Variants in CDS2 observed in about 807,000 individuals in gnomAD.
CDS2 encodes phosphatidate cytidylyltransferase 2.
A neutral mutation model predicts 59.0 loss-of-function variants in CDS2; 47 were observed. The observed-to-expected ratio is 0.80, with a 90% CI of 0.63 to 1.02. CDS2 has a LOEUF of 1.02. Among genes scored for constraint, CDS2 ranks in the 50% least tolerant of loss-of-function variants. The pLI is 0.00. For missense variants in CDS2, 356 were observed against 558.9 expected (o/e 0.64, Z 3.66); for synonymous variants, 207 against 206.4 (o/e 1.00, Z -0.02).
chr20:5,182,596 ATTTAGGT>A, intron 6 of CDS2, 151 bp downstream of exon 6: 1 of 662,206 alleles, frequency 1.5e-6, no homozygotes, highest in Non-Finnish European at 2.5e-6. Flanking sequence ...AAGAATGCCC[ATTTAGGT>A]TTAATGGCTC....
chr20:5,189,727 T>G lies in CDS2; in HGVS notation c.1102-8T>G, dbSNP rs41282118. On this transcript the variant is annotated splice_region_variant and splice_polypyrimidine_tract_variant and intron_variant, in intron 11 of 12. Coordinates refer to ENST00000460006, the MANE Select transcript of CDS2 (RefSeq NM_003818.4). ...CAAGTTCACCCATCCTTCCCCTGCC[T>G]CTAACAGGACTTTGCCAATACCATT... The G allele has an allele frequency of 0.054, 86,879 of 1,611,190 alleles. 2,606 individuals carry two copies. The highest frequency in any genetic ancestry group is 0.095 in the African/African-American group (7,132 of 74,914).
chr20:5,146,264 CT>C lies in CDS2; in HGVS notation c.57+19117del, dbSNP rs560238655. Reference sequence around the variant, plus strand: ...ATTGATGACACTTGTGAATTCTGGGCTTCTGCTCTTGGCATTAAGATAGGCA... The same window carrying C: ...ATTGATGACACTTGTGAATTCTGGGCTCTGCTCTTGGCATTAAGATAGGCA... On this transcript the variant is annotated intron_variant, in intron 1 of 12. Coordinates refer to ENST00000460006, the MANE Select transcript of CDS2 (RefSeq NM_003818.4). Among the ~76,000 whole-genome samples the C allele has an allele frequency of 4.0e-3, 607 of 152,298 alleles. 9 individuals are homozygous for C. Among genetic ancestry groups the C allele is most frequent in the African/African-American group, 0.014 (573 of 41,554 alleles).
At position 5,186,689 on chromosome 20, in the gene CDS2, G is replaced by T. The variant is rs915243474; in HGVS notation, c.831G>T (p.Leu277=). The part of the protein sequence containing the change: ...FFATVVFGLL[L]SYVMSGYRCF... ...GTCTCTCTGTTATTCCTCCTCAGCT[G>T]TCCTATGTGATGTCCGGGTACAGAT... is the stretch of plus-strand genomic sequence containing the variant. The change falls in exon 10 of 13, where the codon CTG becomes CTT. Residue 277 remains leucine, a splice_region_variant and synonymous_variant. Transcript: ENST00000460006. 3.1e-6 allele frequency: 5 copies of T among 1,613,948 alleles called. No homozygotes were observed. The highest frequency in any genetic ancestry group is 4.2e-6 in the Non-Finnish European group (5 of 1,180,006).
intron 1 of CDS2, among the ~76,000 whole-genome samples, chr20:5,133,753 G>A (rs183772522): frequency 1.3e-5 from 2 of 152,266 alleles, no homozygotes; most frequent in East Asian, 3.9e-4. Context: ...TCGAACTCCT[G>A]ACCTCAGGTG....
chr20:5,172,659 C>G (rs1385375420), intron 1 of CDS2, among the ~76,000 whole-genome samples: 2 of 152,202 alleles, frequency 1.3e-5, no homozygotes, highest in Non-Finnish European at 2.9e-5. Context: ...TGCTCTGAAG[C>G]TTGCATGGGA....
At chr20:5,186,899 C>A in intron 10 of CDS2, 60 bp downstream of exon 10, 2 of 1,576,300 alleles carry the variant, frequency 1.3e-6, no homozygotes, top group Non-Finnish European at 1.7e-6. Flanking sequence ...AAGAGAGATC[C>A]CCCTCCATCA....
At chr20:5,169,163 G>A (rs1363755361) in intron 1 of CDS2, among the ~76,000 whole-genome samples, 1 of 152,246 alleles carries the variant, frequency 6.6e-6, no homozygotes, top group Admixed American at 6.5e-5. Flanking sequence ...GAGGAACTGT[G>A]GGAGGCGGTG....
intron 1 of CDS2, among the ~76,000 whole-genome samples, chr20:5,155,949 A>T (rs1004905949): frequency 2.6e-5 from 4 of 152,162 alleles, no homozygotes; most frequent in African/African-American, 9.7e-5. Context: ...TGGCTGGAGC[A>T]GGTGGTGTGA....
At chr20:5,141,588 A>G (rs572972371) in intron 1 of CDS2, among the ~76,000 whole-genome samples, 1 of 152,252 alleles carries the variant, frequency 6.6e-6, no homozygotes, top group East Asian at 1.9e-4. Context: ...CAATATGCAA[A>G]TATTGTATAT....
chr20:5,168,514 TTC>T, intron 1 of CDS2: 1 of 472,886 alleles, frequency 2.1e-6, no homozygotes, highest in Non-Finnish European at 4.2e-6. Flanking sequence ...GCCCAAGGGA[TTC>T]TCTCTAGCCA....
At chr20:5,131,778 A>G (rs1203706524) in intron 1 of CDS2, among the ~76,000 whole-genome samples, 1 of 152,222 alleles carries the variant, frequency 6.6e-6, no homozygotes, top group Non-Finnish European at 1.5e-5. Flanking sequence ...TGAGTAGATC[A>G]TGGAAGTTGT....
At chr20:5,175,128 GT>G in intron 2 of CDS2, 54 bp from the exon 3 acceptor site, 1 of 1,332,174 alleles carries the variant, frequency 7.5e-7, no homozygotes, top group Non-Finnish European at 1.1e-6. Context: ...TTGTGCATTG[GT>G]TTTTTTCTGG....
At chr20:5,159,514 T>A (rs554026659) in intron 1 of CDS2, among the ~76,000 whole-genome samples, 1 of 152,152 alleles carries the variant, frequency 6.6e-6, no homozygotes, top group Non-Finnish European at 1.5e-5. Flanking sequence ...TTGGATGATT[T>A]GCATGTAAAC....
chr20:5,158,000 C>T (rs1007015554), intron 1 of CDS2, among the ~76,000 whole-genome samples: 2 of 152,098 alleles, frequency 1.3e-5, no homozygotes, highest in African/African-American at 2.4e-5. Flanking sequence ...AACACAAATT[C>T]GTAAACTTTC....
At chr20:5,155,018 A>G (rs902354208) in intron 1 of CDS2, among the ~76,000 whole-genome samples, 7 of 152,216 alleles carry the variant, frequency 4.6e-5, no homozygotes, top group African/African-American at 1.4e-4. Flanking sequence ...CTATAGACCT[A>G]TATGTTCCAT....
chr20:5,144,523 A>G (rs1413217665), intron 1 of CDS2, among the ~76,000 whole-genome samples: 1 of 152,202 alleles, frequency 6.6e-6, no homozygotes, highest in Non-Finnish European at 1.5e-5. Context: ...TTGGTGGACC[A>G]AGGTTTAGAA....
chr20:5,178,795 A>G, intron 4 of CDS2, 22 bp from the exon 5 acceptor site: 1 of 1,614,020 alleles, frequency 6.2e-7, no homozygotes, highest in South Asian at 1.1e-5. Context: ...TCCCCACGGC[A>G]ATGACCTGTC....
At chr20:5,170,505 A>G (rs921948450) in intron 1 of CDS2, among the ~76,000 whole-genome samples, 1 of 152,264 alleles carries the variant, frequency 6.6e-6, no homozygotes, top group Admixed American at 6.5e-5. Flanking sequence ...TCCACAGGAC[A>G]TCAGGAGCCA....
chr20:5,147,658 C>T (rs1214420084), intron 1 of CDS2, among the ~76,000 whole-genome samples: 1 of 152,152 alleles, frequency 6.6e-6, no homozygotes, highest in Non-Finnish European at 1.5e-5. Flanking sequence ...CCCTCCATAA[C>T]CTACCAAAGT....
Sources: gnomAD v4.1 joint callset for allele counts (sites outside exome capture counted in the v4.1 genomes callset) on GRCh38, gnomAD v4.1.1 for gene constraint, MANE v1.5 for transcripts, NCBI Gene and HGNC (gene_info 2026-07-23, HGNC 2026-07-21) for gene names.